The following AKR1C1 variants were observed in gnomAD, a reference collection of about 807,000 sequenced individuals.
The protein encoded by AKR1C1 is 20 alpha-hydroxysteroid dehydrogenase.
A neutral mutation model predicts 40.6 loss-of-function variants in AKR1C1; 32 were observed. The ratio of observed to expected loss-of-function variants is 0.79; its 90% confidence interval spans 0.60 to 1.06. AKR1C1 has a LOEUF of 1.06. Ranked by LOEUF, AKR1C1 falls within the 50% of genes least tolerant of loss-of-function variation. The pLI, the probability that AKR1C1 is intolerant of heterozygous loss-of-function variation, is 0.00. For synonymous variants in AKR1C1, 105 were observed against 134.2 expected, an observed-to-expected ratio of 0.78 and a Z score of 1.50; for missense variants, 320 against 363.5, an observed-to-expected ratio of 0.88 and a Z score of 0.97.
Position 4,963,539 on chromosome 10 carries a change from T to C in AKR1C1, c.84+11T>C, listed in dbSNP as rs777937103. The C allele has an allele frequency of 4.4e-6, 7 of 1,606,734 alleles. No individual in the cohort carries two copies. Among genetic ancestry groups the C allele is most frequent in the African/African-American group, 4.1e-5 (3 of 73,664 alleles). ...TATGCGCCTGCAGAGGTAACAATAA[T>C]ATTTTTAGTGTTGAGAGTTCAAAGG... On this transcript the variant is annotated intron_variant, in intron 1 of 8. Coordinates refer to ENST00000380872, the MANE Select transcript of AKR1C1 (RefSeq NM_001353.6).
At chr10:4,963,846 T>G (rs570798198) in intron 1 of AKR1C1, 2 of 763,500 alleles carry the variant, frequency 2.6e-6, no homozygotes, top group East Asian at 4.9e-5. Flanking sequence ...CGAACAGATA[T>G]TTACTTCTTC....
rs1836586504 is a variant in AKR1C1 at position 4,979,667 on chromosome 10, A to G, written c.*1925A>G. 1 of 152,228 alleles carries G rather than the reference A, an allele frequency of 6.6e-6. No homozygotes were observed. The highest frequency in any genetic ancestry group is 6.5e-5 in the Admixed American group (1 of 15,284). 9.4% of individuals were successfully genotyped at this position (152,228 alleles called of 1,614,324 possible). A position where few individuals can be genotyped will look rare whatever the true frequency, so the allele number is the denominator to read the frequency against. On this transcript the variant is annotated 3_prime_UTR_variant, in exon 9 of 9. Coordinates refer to ENST00000380872, the MANE Select transcript of AKR1C1 (RefSeq NM_001353.6). Reference sequence around the variant, plus strand: ...ATTAGGTCAGTCATTTGTAAATAGTACATCTGCTATGGACTTTTTCCAGTT... The same window carrying G: ...ATTAGGTCAGTCATTTGTAAATAGTGCATCTGCTATGGACTTTTTCCAGTT...
rs1836571540 is a variant in AKR1C1 at position 4,978,992 on chromosome 10, T to C, written c.*1250T>C. On this transcript the variant is annotated 3_prime_UTR_variant, in exon 9 of 9. Transcript: ENST00000380872. ...TCTCATGCCTTAATGATCAAAGCAT[T>C]ATGAGAAGGACAGTGGTTTTTAACC... The C allele has an allele frequency of 1.3e-5, 2 of 152,230 alleles. No individual in the cohort carries two copies. Among genetic ancestry groups the C allele is most frequent in the African/African-American group, 4.8e-5 (2 of 41,460 alleles). The allele number at this position is 152,230 out of a possible 1,614,324, so 9.4% of individuals were successfully genotyped here.
chr10:4,979,387 T>G lies in AKR1C1; in HGVS notation c.*1645T>G, dbSNP rs1319806453. 1.7e-4 allele frequency: 26 copies of G among 152,344 alleles called. No homozygotes were observed. Among genetic ancestry groups the G allele is most frequent in the African/African-American group, 5.8e-4 (24 of 41,582 alleles). 9.4% of individuals were successfully genotyped at this position (152,344 alleles called of 1,614,324 possible). On this transcript the variant is annotated 3_prime_UTR_variant, in exon 9 of 9. Coordinates refer to ENST00000380872, the MANE Select transcript of AKR1C1 (RefSeq NM_001353.6). ...ACAATGTGAACTCTGCATCTCCATG[T>G]TAAAGTCTAATGGACATTCACACTT...
At chr10:4,971,771 A>C (rs554726280) in intron 5 of AKR1C1, among the ~76,000 whole-genome samples, 4 of 151,876 alleles carry the variant, frequency 2.6e-5, no homozygotes, top group Non-Finnish European at 5.9e-5. Context: ...TATATGTCAG[A>C]TCAATTAGAA....
At chr10:4,970,625 C>A (rs1425367372) in intron 5 of AKR1C1, among the ~76,000 whole-genome samples, 4 of 151,978 alleles carry the variant, frequency 2.6e-5, no homozygotes, top group African/African-American at 9.7e-5. Flanking sequence ...GAATACTATG[C>A]AGCCATAAAA....
In AKR1C1 at chr10:4,978,928, A is replaced by G. The variant is rs1473009399; in HGVS notation, c.*1186A>G. On this transcript the variant is annotated 3_prime_UTR_variant, in exon 9 of 9. Transcript: ENST00000380872. ...TTAATCAGCTAATCATGAAGACATG[A>G]TTTTCATTTTAGAAAACACTTTTGA... 1.6e-4 allele frequency: 24 copies of G among 152,280 alleles called. No homozygotes were observed. The highest frequency in any genetic ancestry group is 5.5e-4 in the African/African-American group (23 of 41,558). 9.4% of individuals were successfully genotyped at this position (152,280 alleles called of 1,614,324 possible).
rs562322450 is a variant in AKR1C1 at position 4,969,174 on chromosome 10, T to C, written c.570+230T>C. On this transcript the variant is annotated intron_variant, in intron 5 of 8. Transcript: ENST00000380872. ...AATTGTGTGTTATATTTATGGGAGGTCAATTCAATCAAGGAGGCCAAGGAT... is the reference window on the plus strand; with the variant it reads ...AATTGTGTGTTATATTTATGGGAGGCCAATTCAATCAAGGAGGCCAAGGAT... 6.3e-4 allele frequency among the ~76,000 whole-genome samples: 96 copies of C among 152,204 alleles called. 2 individuals are homozygous for C. In the South Asian group the frequency reaches 0.019, roughly 31 times the overall value.
In AKR1C1 at chr10:4,982,689, T is replaced by C. The variant is rs553225196; in HGVS notation, c.*4947T>C. 2.1e-4 allele frequency: 62 copies of C among 290,680 alleles called. No homozygotes were observed. The highest frequency in any genetic ancestry group is 1.4e-3 in the African/African-American group (61 of 44,406). 18.0% of individuals were successfully genotyped at this position (290,680 alleles called of 1,614,324 possible). A position where few individuals can be genotyped will look rare whatever the true frequency, so the allele number is the denominator to read the frequency against. On this transcript the variant is annotated 3_prime_UTR_variant, in exon 9 of 9. Transcript: ENST00000380872. The stretch of plus-strand genomic sequence containing the variant: ...TTCCCCCATTGCCTGAGAAACCACT[T>C]TCCCTGGGCAACTTAGGGCAAGCTC...
intron 7 of AKR1C1, 57 bp downstream of exon 7, chr10:4,972,806 C>T: frequency 2.5e-6 from 4 of 1,578,158 alleles, no homozygotes; most frequent in African/African-American, 1.3e-5. Context: ...CACACGTGTG[C>T]TTCTTGTAAG....
Position 4,977,925 on chromosome 10 carries a change from T to G in AKR1C1, c.*183T>G. 8.1e-6 allele frequency: 7 copies of G among 860,282 alleles called. No individual in the cohort carries two copies. Among genetic ancestry groups the G allele is most frequent in the Non-Finnish European group, 1.2e-5 (7 of 567,232 alleles). The allele number at this position is 860,282 out of a possible 1,614,324, so 53.3% of individuals were successfully genotyped here. ...AAAGACAATAATTTTGTTTTTTCATTTTGAAAAAATTAAATGCTCTCTCCT... is the reference window on the plus strand; with the variant it reads ...AAAGACAATAATTTTGTTTTTTCATGTTGAAAAAATTAAATGCTCTCTCCT... On this transcript the variant is annotated 3_prime_UTR_variant, in exon 9 of 9. Coordinates refer to ENST00000380872, the MANE Select transcript of AKR1C1 (RefSeq NM_001353.6).
At chr10:4,969,576 C>A (rs1181739785) in intron 5 of AKR1C1, 26 of 1,366,278 alleles carry the variant, frequency 1.9e-5, no homozygotes, top group African/African-American at 1.0e-4. Flanking sequence ...ATGGAGCTGA[C>A]CTATGACTGC....
rs1346697365 is a variant in AKR1C1, at chr10:4,983,174, A to G, written c.*5432A>G. The G allele has an allele frequency of 9.3e-6, 2 of 216,212 alleles. No homozygotes were observed. The highest frequency in any genetic ancestry group is 9.4e-6 in the Non-Finnish European group (1 of 106,944). The allele number at this position is 216,212 out of a possible 1,614,324, so 13.4% of individuals were successfully genotyped here. A position where few individuals can be genotyped will look rare whatever the true frequency, so the allele number is the denominator to read the frequency against. On this transcript the variant is annotated 3_prime_UTR_variant, in exon 9 of 9. Coordinates refer to ENST00000380872, the MANE Select transcript of AKR1C1 (RefSeq NM_001353.6). ...AAGCAGAGCTGCCTCACTGCCCTGC[A>G]CACACATGAGAGCGCAGCCAGGAAC...
In AKR1C1 at chr10:4,982,268, G is replaced by T. The variant is rs1478055121; in HGVS notation, c.*4526G>T. ...GTGTCTCACGACCTGACCTCATAAA[G>T]CCATCTAGTGGATGTTTGTGGCTTA... On this transcript the variant is annotated 3_prime_UTR_variant, in exon 9 of 9. Transcript: ENST00000380872. 6.6e-6 allele frequency: 1 copy of T among 152,174 alleles called. No individual in the cohort carries two copies. Among genetic ancestry groups the T allele is most frequent in the African/African-American group, 2.4e-5 (1 of 41,416 alleles). 9.4% of individuals were successfully genotyped at this position (152,174 alleles called of 1,614,324 possible). A position where few individuals can be genotyped will look rare whatever the true frequency, so the allele number is the denominator to read the frequency against.
At position 4,968,798 on chromosome 10, in the gene AKR1C1, C is replaced by T. The variant is rs751147703; in HGVS notation, c.448-24C>T. Reference sequence around the variant, plus strand: ...GTGTCACATTTATCTTGATCTTCCACACCTCACAATTCCTTTTTCCCAGGC... The same window carrying T: ...GTGTCACATTTATCTTGATCTTCCATACCTCACAATTCCTTTTTCCCAGGC... On this transcript the variant is annotated intron_variant, in intron 4 of 8. Coordinates refer to ENST00000380872, the MANE Select transcript of AKR1C1 (RefSeq NM_001353.6). 23 of 1,610,556 alleles carry T rather than the reference C, an allele frequency of 1.4e-5. 1 individual carries two copies. The highest frequency in any genetic ancestry group is 1.7e-6 in the Non-Finnish European group (2 of 1,177,624).
rs1836637786 is a variant in AKR1C1, at chr10:4,982,621, A to T, written c.*4879A>T. ...GTGGTACCCATCCACCCATCCTGGT[A>T]GCTTAACACAAAGATACACTTTTAG... On this transcript the variant is annotated 3_prime_UTR_variant, in exon 9 of 9. Transcript: ENST00000380872. 9.0e-6 allele frequency: 2 copies of T among 221,080 alleles called. No homozygotes were observed. Among genetic ancestry groups the T allele is most frequent in the Admixed American group, 5.6e-5 (1 of 17,884 alleles). 13.7% of individuals were successfully genotyped at this position (221,080 alleles called of 1,614,324 possible). A position where few individuals can be genotyped will look rare whatever the true frequency, so the allele number is the denominator to read the frequency against.
intron 5 of AKR1C1, chr10:4,970,078 A>G: frequency 9.9e-6 from 3 of 301,842 alleles, no homozygotes; most frequent in Non-Finnish European, 1.3e-5. Context: ...GCAATGTTAT[A>G]TGGAGTATAT....
intron 5 of AKR1C1, among the ~76,000 whole-genome samples, chr10:4,970,667 G>A (rs1259003099): frequency 6.6e-6 from 1 of 152,004 alleles, no homozygotes. Flanking sequence ...GTAGGGACAT[G>A]GATGAAACTG....
chr10:4,971,432 C>T (rs1408912217), intron 5 of AKR1C1, among the ~76,000 whole-genome samples: 20 of 150,248 alleles, frequency 1.3e-4, no homozygotes, highest in South Asian at 2.1e-4. Context: ...TACAGACTCA[C>T]GGATTCTTGT....
Sources: gnomAD v4.1 joint callset for allele counts (sites outside exome capture counted in the v4.1 genomes callset) on GRCh38, gnomAD v4.1.1 for gene constraint, MANE v1.5 for transcripts, NCBI Gene and HGNC (gene_info 2026-07-23, HGNC 2026-07-21) for gene names.